The following SARDH variants were observed in gnomAD, a reference collection of about 807,000 sequenced individuals.
SARDH encodes the protein sarcosine dehydrogenase, also known as sarcosine dehydrogenase, mitochondrial.
In SARDH, 95 loss-of-function variants were observed where a neutral mutation model predicts 109.1. The ratio of observed to expected loss-of-function variants is 0.87; its 90% confidence interval spans 0.74 to 1.03. The LOEUF is 1.03. Ranked by LOEUF, SARDH falls within the 50% of genes least tolerant of loss-of-function variation. The probability of loss-of-function intolerance (pLI) is 0.00; values close to 1 mark genes in which losing one functional copy is unlikely to be tolerated. For synonymous variants in SARDH, 572 were observed against 534.8 expected (o/e 1.07, Z -0.96); for missense variants, 1,267 against 1,287.8 (o/e 0.98, Z 0.25).
chr9:133,671,819 A>C (rs1463267388), intron 17 of SARDH, 122 bp from the exon 18 acceptor site: 5 of 1,227,548 alleles, frequency 4.1e-6, no homozygotes, highest in Non-Finnish European at 5.6e-6. Context: ...CCTGGGTCCC[A>C]GCCAGATTGC....
At position 133,666,346 on chromosome 9, in the gene SARDH, C is replaced by G. The variant is rs1373346985; in HGVS notation, c.2631+389G>C. On this transcript the variant is annotated intron_variant, in intron 20 of 20. Transcript: ENST00000439388. This position sits in a 1 kb window ranked among gnomAD's most constrained non-coding sequence, Gnocchi z 5.2. Reference sequence around the variant, plus strand: ...AGCTGGAAGGTATCAGCCTGGCTGGCTGGCACCTCCTTCTAACCAAAAAAA... The same window carrying G: ...AGCTGGAAGGTATCAGCCTGGCTGGGTGGCACCTCCTTCTAACCAAAAAAA... Among the ~76,000 whole-genome samples, 1 of 152,148 alleles carries G rather than the reference C, an allele frequency of 6.6e-6. No homozygotes were observed. The highest frequency in any genetic ancestry group is 1.5e-5 in the Non-Finnish European group (1 of 68,012).
In SARDH at chr9:133,721,134, GTCC is replaced by G. The variant is rs1172940962; in HGVS notation, c.916-2095_916-2093del. Reference sequence around the variant, plus strand: ...ATGTCCAAGCAACAGCCCAAGAAGAGTCCTCCGATTGAAAATCACGCATTCATA... The same window carrying G: ...ATGTCCAAGCAACAGCCCAAGAAGAGTCCGATTGAAAATCACGCATTCATA... On this transcript the variant is annotated intron_variant, in intron 6 of 20. Transcript: ENST00000439388. 5.3e-5 allele frequency among the ~76,000 whole-genome samples: 8 copies of G among 152,264 alleles called. No individual in the cohort carries two copies. The East Asian group carries it at 1.4e-3, about 26-fold the overall frequency.
intron 19 of SARDH, among the ~76,000 whole-genome samples, chr9:133,668,419 TC>T (rs1830169875): frequency 7.7e-4 from 19 of 24,834 alleles, no homozygotes; most frequent in African/African-American, 2.1e-3. Flanking sequence ...TCCCTCTCCC[TC>T]TCCCTTCACC....
In SARDH at chr9:133,702,938, G is replaced by A; in HGVS notation, c.1646C>T (p.Ala549Val). The change falls in exon 13 of 21, where the codon GCC becomes GTC. Residue 549 changes from alanine (A) to valine (V), a missense_variant. Physicochemically the swap from Ala to Val is moderately conservative, Grantham distance 64. Transcript: ENST00000439388. ...RRLLADEYTF[A>V]FPPHHDTIKK... ...CACCGTGTCGTGGTGGGGCGGGAAG[G>A]CGAAGGTGTACTCGTCTGCCAGCAG... is the stretch of plus-strand genomic sequence containing the variant. 6.2e-7 allele frequency: 1 copy of A among 1,612,602 alleles called. No homozygotes were observed. The highest frequency in any genetic ancestry group is 1.1e-5 in the South Asian group (1 of 91,046).
At chr9:133,711,005 G>A (rs1180797302) in intron 10 of SARDH, among the ~76,000 whole-genome samples, 1 of 152,206 alleles carries the variant, frequency 6.6e-6, no homozygotes, top group East Asian at 1.9e-4. Context: ...CTCCCCACCT[G>A]TGCCCTTGGC....
chr9:133,677,100 C>T (rs1237618435), intron 17 of SARDH, among the ~76,000 whole-genome samples: 1 of 152,188 alleles, frequency 6.6e-6, no homozygotes, highest in African/African-American at 2.4e-5. Context: ...GGTCGCCCCA[C>T]TGCACTCCAG....
At chr9:133,685,597 T>A (rs1830858358) in intron 16 of SARDH, among the ~76,000 whole-genome samples, 1 of 152,128 alleles carries the variant, frequency 6.6e-6, no homozygotes, top group African/African-American at 2.4e-5. Flanking sequence ...AACCATAGAA[T>A]GCCCTTGAAG....
At chr9:133,675,154 G>A (rs1469925875) in intron 17 of SARDH, among the ~76,000 whole-genome samples, 1 of 152,060 alleles carries the variant, frequency 6.6e-6, no homozygotes, top group African/African-American at 2.4e-5. Context: ...GACCACCCTG[G>A]CCAACATAGT....
At chr9:133,681,472 T>C (rs129892) in intron 17 of SARDH, among the ~76,000 whole-genome samples, 71,743 of 152,048 alleles carry the variant, frequency 0.47, 19,102 homozygotes, top group African/African-American at 0.74. Context: ...TAGGACCTCT[T>C]TCCAGTACAG....
rs1449014030 is a variant in SARDH, at chr9:133,676,733, G to T, written c.2164-5036C>A. On this transcript the variant is annotated intron_variant, in intron 17 of 20. Transcript: ENST00000439388. Reference sequence around the variant, plus strand: ...CGGGGGGAAAGGCGGTACTTAAACAGATAACAGCAGAGAATGTTCCAGAAG... The same window carrying T: ...CGGGGGGAAAGGCGGTACTTAAACATATAACAGCAGAGAATGTTCCAGAAG... Among the ~76,000 whole-genome samples the T allele has an allele frequency of 2.6e-5, 4 of 152,360 alleles. No homozygotes were observed. In the East Asian group the frequency reaches 7.7e-4, roughly 29 times the overall value.
rs2131312617 is a variant in SARDH at position 133,666,258 on chromosome 9, C to T, written c.2631+477G>A. On this transcript the variant is annotated intron_variant, in intron 20 of 20. Coordinates refer to ENST00000439388, the MANE Select transcript of SARDH (RefSeq NM_001134707.2). The surrounding 1 kb of genome is among the most constrained non-coding windows in gnomAD (Gnocchi z 5.2). ...CTCTAGTCGGTCACCCTGGGGGCCA[C>T]CCCTGCACCCCAGGCAAAGGGTGGG... Among the ~76,000 whole-genome samples, 1 of 152,196 alleles carries T rather than the reference C, an allele frequency of 6.6e-6. No homozygotes were observed. The highest frequency in any genetic ancestry group is 6.5e-5 in the Admixed American group (1 of 15,304).
Position 133,692,168 on chromosome 9 carries a change from G to A in SARDH, c.1922-1641C>T, listed in dbSNP as rs1002918013. 1.3e-5 allele frequency among the ~76,000 whole-genome samples: 2 copies of A among 152,190 alleles called. No homozygotes were observed. Among genetic ancestry groups the A allele is most frequent in the African/African-American group, 2.4e-5 (1 of 41,528 alleles). Reference sequence around the variant, plus strand: ...TGACTCAATTCTCCATCGCAGCCCCGGGAGGCGCGTCTTCCTCACTCCATT... The same window carrying A: ...TGACTCAATTCTCCATCGCAGCCCCAGGAGGCGCGTCTTCCTCACTCCATT... On this transcript the variant is annotated intron_variant, in intron 15 of 20. Transcript: ENST00000439388. The surrounding 1 kb of genome is among the most constrained non-coding windows in gnomAD (Gnocchi z 5.0).
At chr9:133,671,465 A>G (rs1378724085) in intron 18 of SARDH, 70 bp downstream of exon 18, 3 of 1,464,578 alleles carry the variant, frequency 2.0e-6, no homozygotes, top group East Asian at 5.2e-5. Context: ...CTCGGCCTCC[A>G]GGTGTCTCGA....
intron 10 of SARDH, among the ~76,000 whole-genome samples, chr9:133,708,973 C>T (rs996855089): frequency 6.6e-6 from 1 of 152,174 alleles, no homozygotes; most frequent in Non-Finnish European, 1.5e-5. Flanking sequence ...TCCCATCAGG[C>T]CTCCCCAAGT....
Position 133,673,382 on chromosome 9 carries a change from CTG to C in SARDH, c.2164-1687_2164-1686del, listed in dbSNP as rs1830415299. Reference sequence around the variant, plus strand: ...CACAAAAGGAATGGGGAGAGCTAGGCTGACTGCAGGATCCCAGACAGCGGAGG... The same window carrying C: ...CACAAAAGGAATGGGGAGAGCTAGGCACTGCAGGATCCCAGACAGCGGAGG... On this transcript the variant is annotated intron_variant, in intron 17 of 20. Transcript: ENST00000439388. Among the ~76,000 whole-genome samples, 3 of 152,354 alleles carry C rather than the reference CTG, an allele frequency of 2.0e-5. No individual in the cohort carries two copies. The South Asian group carries it at 6.2e-4, about 32-fold the overall frequency.
intron 17 of SARDH, among the ~76,000 whole-genome samples, chr9:133,675,914 G>C (rs998580366): frequency 5.9e-5 from 9 of 152,062 alleles, no homozygotes; most frequent in Non-Finnish European, 8.8e-5. Context: ...AACATAGGGA[G>C]GCCCTGTCTC....
chr9:133,673,591 A>C (rs1433179302), intron 17 of SARDH, among the ~76,000 whole-genome samples: 1 of 152,164 alleles, frequency 6.6e-6, no homozygotes, highest in Non-Finnish European at 1.5e-5. Context: ...AAATAGCGCA[A>C]ATTTGCTCTA....
In SARDH at chr9:133,666,232, T is replaced by C. The variant is rs1830060086; in HGVS notation, c.2631+503A>G. 6.6e-6 allele frequency among the ~76,000 whole-genome samples: 1 copy of C among 151,536 alleles called. No homozygotes were observed. The highest frequency in any genetic ancestry group is 6.6e-5 in the Admixed American group (1 of 15,238). On this transcript the variant is annotated intron_variant, in intron 20 of 20. Coordinates refer to ENST00000439388, the MANE Select transcript of SARDH (RefSeq NM_001134707.2). This position sits in a 1 kb window ranked among gnomAD's most constrained non-coding sequence, Gnocchi z 5.2. ...GAGGATAGGAACATGGGTCTCTGAG[T>C]CTCTAGTCGGTCACCCTGGGGGCCA...
chr9:133,707,725 A>AGGC (rs1179420553), intron 11 of SARDH, among the ~76,000 whole-genome samples: 2 of 152,066 alleles, frequency 1.3e-5, no homozygotes, highest in African/African-American at 4.8e-5. Context: ...GGGGGAAGGA[A>AGGC]TGGAGACGGG....
Sources: gnomAD v4.1 joint callset for allele counts (sites outside exome capture counted in the v4.1 genomes callset) on GRCh38, gnomAD v4.1.1 for gene constraint, Gnocchi (gnomAD v3.1) non-coding constraint, MANE v1.5 for transcripts, NCBI Gene and HGNC (gene_info 2026-07-23, HGNC 2026-07-21) for gene names.